Variants in DNAH7 observed in about 807,000 individuals in gnomAD.
DNAH7 encodes the protein axonemal beta dynein heavy chain 7.
Under a neutral mutation model 444.6 loss-of-function variants are expected in DNAH7, and 397 were observed. The observed-to-expected ratio is 0.89, with a 90% confidence interval of 0.82 to 0.97. The LOEUF is 0.97. Ranked by LOEUF, DNAH7 falls within the 50% of genes least tolerant of loss-of-function variation. DNAH7 has a pLI of 0.00. For synonymous variants in DNAH7, 1,636 were observed against 1,624.4 expected (o/e 1.01, Z -0.17); for missense variants, 4,902 against 4,800.8 (o/e 1.02, Z -0.62).
chr2:195,924,028 A>G (rs918897212), intron 22 of DNAH7, among the ~76,000 whole-genome samples: 19 of 152,090 alleles, frequency 1.2e-4, no homozygotes, highest in Non-Finnish European at 5.9e-5. Context: ...GTGTCTACTC[A>G]TTATCCTTTC....
rs533195096 is a variant in DNAH7 at position 195,951,045 on chromosome 2, T to C, written c.3078+6216A>G. On this transcript the variant is annotated intron_variant, in intron 19 of 64. Coordinates refer to ENST00000312428, the MANE Select transcript of DNAH7 (RefSeq NM_018897.3). Reference sequence around the variant, plus strand: ...GTGATGTTAGGGTGTCTGTCGATTTTAGATCTTTCCCACTTTCTCCTGTGA... The same window carrying C: ...GTGATGTTAGGGTGTCTGTCGATTTCAGATCTTTCCCACTTTCTCCTGTGA... Among the ~76,000 whole-genome samples the C allele has an allele frequency of 3.3e-5, 5 of 152,176 alleles. No homozygotes were observed. In the South Asian group the frequency reaches 1.0e-3, roughly 32 times the overall value.
At chr2:195,854,853 T>C (rs573145384) in intron 45 of DNAH7, among the ~76,000 whole-genome samples, 1 of 152,272 alleles carries the variant, frequency 6.6e-6, no homozygotes, top group East Asian at 1.9e-4. Flanking sequence ...GGTTATATTA[T>C]TTAAACTAAA....
At chr2:195,999,074 C>T (rs1011718035) in intron 12 of DNAH7, 13 of 715,756 alleles carry the variant, frequency 1.8e-5, no homozygotes, top group South Asian at 3.0e-5. Context: ...GCCTCAAGGT[C>T]GAGCAAAGTT....
intron 34 of DNAH7, among the ~76,000 whole-genome samples, chr2:195,885,077 A>G (rs1045899287): frequency 2.6e-5 from 4 of 152,226 alleles, no homozygotes; most frequent in African/African-American, 9.6e-5. Flanking sequence ...AGTAAATCTC[A>G]CATTTTCAAC....
chr2:195,778,775 TCAC>T (rs1353655808), intron 58 of DNAH7, among the ~76,000 whole-genome samples: 2 of 145,896 alleles, frequency 1.4e-5, no homozygotes, highest in South Asian at 2.1e-4. Context: ...CAGTGTTACT[TCAC>T]CACCTTTCAA....
At chr2:195,821,014 C>G (rs1250937952) in intron 49 of DNAH7, among the ~76,000 whole-genome samples, 1 of 152,206 alleles carries the variant, frequency 6.6e-6, no homozygotes, top group Non-Finnish European at 1.5e-5. Context: ...CAGCCCCGCA[C>G]CAGGCCAATG....
In DNAH7 at chr2:196,001,765, G is replaced by C. The variant is rs746237522; in HGVS notation, c.1083C>G (p.Phe361Leu). 1 of 1,612,714 alleles carries C rather than the reference G, an allele frequency of 6.2e-7. No homozygotes were observed. Among genetic ancestry groups the C allele is most frequent in the South Asian group, 1.1e-5 (1 of 90,714 alleles). Residue 361 changes from phenylalanine to leucine, a missense_variant, in exon 11 of 65, where the codon TTC (phenylalanine) becomes TTG (leucine). Physicochemically the swap from Phe to Leu is conservative, Grantham distance 22. Coordinates refer to ENST00000312428, the MANE Select transcript of DNAH7 (RefSeq NM_018897.3). ...AAGTCATAAGTGCAGCAGCACAGTT[G>C]AAAAAAGATTCCAATTTGGCACTGC... ...GDSSAKLESF[F>L]NCAAALMTLQ...
intron 46 of DNAH7, among the ~76,000 whole-genome samples, chr2:195,852,641 A>G (rs757087076): frequency 6.6e-6 from 1 of 152,138 alleles, no homozygotes; most frequent in African/African-American, 2.4e-5. Context: ...TAAAAAGTGG[A>G]AGAGAAAGGC....
chr2:195,928,622 G>C (rs1688492934), intron 21 of DNAH7, among the ~76,000 whole-genome samples: 1 of 152,014 alleles, frequency 6.6e-6, no homozygotes, highest in Admixed American at 6.6e-5. Flanking sequence ...AAAGAAACCA[G>C]ATATATGCAT....
At position 195,971,845 on chromosome 2, in the gene DNAH7, C is replaced by A. The variant is rs569360113; in HGVS notation, c.2058+397G>T. On this transcript the variant is annotated intron_variant, in intron 16 of 64. Transcript: ENST00000312428. ...TGGGCACAATGCTCATGAGAGTGAG[C>A]AATTATGAGGTATGAAAGCACATTT... Among the ~76,000 whole-genome samples, 6 of 151,716 alleles carry A rather than the reference C, an allele frequency of 4.0e-5. No individual in the cohort carries two copies. In the East Asian group the frequency reaches 1.2e-3, roughly 29 times the overall value.
chr2:195,939,992 T>C (rs953771402), intron 19 of DNAH7, among the ~76,000 whole-genome samples: 2 of 152,188 alleles, frequency 1.3e-5, no homozygotes, highest in African/African-American at 4.8e-5. Context: ...AAGCTACCAC[T>C]GACTTTCTTT....
At position 196,019,294 on chromosome 2, in the gene DNAH7, T is replaced by C. The variant is rs1461530537; in HGVS notation, c.745A>G (p.Met249Val). 6.8e-7 allele frequency: 1 copy of C among 1,472,330 alleles called. No individual in the cohort carries two copies. Among genetic ancestry groups the C allele is most frequent in the Non-Finnish European group, 9.1e-7 (1 of 1,095,574 alleles). The allele number at this position is 1,472,330 out of a possible 1,614,324, so 91.2% of individuals were successfully genotyped here. Residue 249 changes from methionine (M) to valine (V), a missense_variant and splice_region_variant, in exon 9 of 65, where the codon ATG becomes GTG. Coordinates refer to ENST00000312428, the MANE Select transcript of DNAH7 (RefSeq NM_018897.3). ...TDELPAHRAE[M>V]EILPKPWRKS... ...CTCCAAGGTTTTGGCAGAATTTCCA[T>C]TCTGAAAACAAAGAAAATATTTAGT...
At chr2:195,965,828 G>A (rs1041682042) in intron 17 of DNAH7, among the ~76,000 whole-genome samples, 1 of 151,734 alleles carries the variant, frequency 6.6e-6, no homozygotes, top group African/African-American at 2.4e-5. Flanking sequence ...TTTTCATTTC[G>A]ATTTTACTCA....
intron 17 of DNAH7, among the ~76,000 whole-genome samples, chr2:195,963,580 T>C (rs1691258660): frequency 6.6e-6 from 1 of 152,220 alleles, no homozygotes; most frequent in Non-Finnish European, 1.5e-5. Flanking sequence ...ATGTTGTTTA[T>C]TGTTTCCTTT....
chr2:195,955,912 T>G (rs1690616634), intron 19 of DNAH7, among the ~76,000 whole-genome samples: 1 of 152,152 alleles, frequency 6.6e-6, no homozygotes, highest in Non-Finnish European at 1.5e-5. Flanking sequence ...ATGACATAAA[T>G]TAATTAGAGA....
At chr2:195,908,779 T>C (rs1045493890) in intron 25 of DNAH7, among the ~76,000 whole-genome samples, 1 of 152,138 alleles carries the variant, frequency 6.6e-6, no homozygotes, top group African/African-American at 2.4e-5. Context: ...AAATGTTAAT[T>C]GGTCATTTAA....
At chr2:195,804,448 T>C (rs1696616161) in intron 54 of DNAH7, among the ~76,000 whole-genome samples, 2 of 152,174 alleles carry the variant, frequency 1.3e-5, no homozygotes, top group South Asian at 4.1e-4. Flanking sequence ...TGTGGAGGTG[T>C]CGCTAATGGT....
chr2:195,825,023 T>C (rs1697663484), intron 48 of DNAH7: 1 of 152,458 alleles, frequency 6.6e-6, no homozygotes, highest in Non-Finnish European at 1.5e-5. Flanking sequence ...ATGCCTGTAA[T>C]TCCAGCACTT....
At chr2:195,843,938 T>A (rs772995807) in intron 47 of DNAH7, among the ~76,000 whole-genome samples, 5 of 151,726 alleles carry the variant, frequency 3.3e-5, no homozygotes, top group Non-Finnish European at 5.9e-5. Flanking sequence ...CTACTAAAAA[T>A]ACAAAAAATT....
Sources: allele counts gnomAD v4.1 joint callset (sites outside exome capture counted in the v4.1 genomes callset), GRCh38; gene constraint gnomAD v4.1.1; transcripts MANE v1.5; gene names NCBI Gene and HGNC (gene_info 2026-07-23, HGNC 2026-07-21).